Variants in BTBD7 observed in about 807,000 individuals in gnomAD.
BTBD7 encodes BTB/POZ domain-containing protein 7.
A neutral mutation model predicts 99.9 loss-of-function variants in BTBD7; 38 were observed. The ratio of observed to expected loss-of-function variants is 0.38; its 90% CI spans 0.29 to 0.50. The LOEUF (loss-of-function observed/expected upper bound fraction) is 0.50, where lower values mean the gene tolerates loss of function less well. Among genes scored for constraint, BTBD7 ranks in the 20% least tolerant of loss-of-function variants. BTBD7 has a pLI of 0.93. For missense variants in BTBD7, 1,170 were observed against 1,394.6 expected, an observed-to-expected ratio of 0.84 and a Z score of 2.57; for synonymous variants, 520 against 511.4, an observed-to-expected ratio of 1.02 and a Z score of -0.23.
rs965003350 is a variant in BTBD7, at chr14:93,257,257, G to A, written c.1546C>T (p.Leu516Phe). Residue 516 changes from leucine to phenylalanine, a missense_variant, in exon 6 of 11, where the codon CTC becomes TTC. By Grantham distance (22) the Leu-to-Phe change is conservative. This residue lies in a region of BTBD7 where 309 missense variants were observed against 342.0 expected (regional missense o/e 0.90). Transcript: ENST00000334746. ...MEELREILSS[L>F]LPFVRIEHIL... ...TGTTCAATTCGCACAAAAGGTAAGAGAGAAGAAAGGATCTCTCTGAGCTCT... is the reference window on the plus strand; with the variant it reads ...TGTTCAATTCGCACAAAAGGTAAGAAAGAAGAAAGGATCTCTCTGAGCTCT... 1.9e-6 allele frequency: 3 copies of A among 1,614,026 alleles called. No homozygotes were observed. Among genetic ancestry groups the A allele is most frequent in the African/African-American group, 1.3e-5 (1 of 74,930 alleles).
rs34523849 is a variant in BTBD7 at position 93,325,106 on chromosome 14, A to ATTTTTTT, written c.-107+7707_-107+7713dup. Among the ~76,000 whole-genome samples the ATTTTTTT allele has an allele frequency of 3.9e-4, 41 of 105,552 alleles. 1 individual carries two copies. Among genetic ancestry groups the ATTTTTTT allele is most frequent in the African/African-American group, 9.5e-4 (25 of 26,230 alleles). 69.2% of individuals were successfully genotyped at this position (105,552 alleles called of 152,430 possible). A position where few individuals can be genotyped will look rare whatever the true frequency, so the allele number is the denominator to read the frequency against. ...TTAAGTAGAGAAGCAGCATGCTCCA[A>ATTTTTTT]TTTTTTTTTTTTTTTTTTTTTTTTT... On this transcript the variant is annotated intron_variant, in intron 1 of 10. Transcript: ENST00000334746.
chr14:93,293,596 G>A (rs567012469), intron 3 of BTBD7, among the ~76,000 whole-genome samples: 61 of 152,218 alleles, frequency 4.0e-4, no homozygotes, highest in African/African-American at 1.4e-3. Flanking sequence ...CATACCTATC[G>A]TCTTACATTA....
chr14:93,313,610 T>C (rs918896249), intron 1 of BTBD7, among the ~76,000 whole-genome samples: 5 of 152,062 alleles, frequency 3.3e-5, no homozygotes, highest in Non-Finnish European at 2.9e-5. Context: ...GAGTTGAGTA[T>C]GGTTCTTAGA....
intron 10 of BTBD7, among the ~76,000 whole-genome samples, chr14:93,243,410 G>T (rs1048954390): frequency 1.3e-5 from 2 of 152,052 alleles, no homozygotes; most frequent in Non-Finnish European, 2.9e-5. Context: ...AGCCAGGATG[G>T]TCTCGATCTC....
chr14:93,253,033 T>TTCC, intron 7 of BTBD7, among the ~76,000 whole-genome samples: 1 of 152,342 alleles, frequency 6.6e-6, no homozygotes, highest in South Asian at 2.1e-4. Flanking sequence ...TTTACCATGT[T>TTCC]GCCCAGGATG....
chr14:93,318,636 G>A (rs1215752250), intron 1 of BTBD7, among the ~76,000 whole-genome samples: 1 of 152,174 alleles, frequency 6.6e-6, no homozygotes, highest in African/African-American at 2.4e-5. Context: ...GAGTAAAGGA[G>A]AGTATAAAAA....
At chr14:93,317,231 C>A (rs1251658110) in intron 1 of BTBD7, among the ~76,000 whole-genome samples, 1 of 152,098 alleles carries the variant, frequency 6.6e-6, no homozygotes, top group African/African-American at 2.4e-5. Context: ...TCTCGAACTC[C>A]TGACCTTAAG....
chr14:93,323,798 T>C (rs560338458), intron 1 of BTBD7, among the ~76,000 whole-genome samples: 1 of 152,360 alleles, frequency 6.6e-6, no homozygotes, highest in African/African-American at 2.4e-5. Flanking sequence ...CCACACGTCA[T>C]GTTTATTTAA....
At chr14:93,318,045 AT>A (rs1364834547) in intron 1 of BTBD7, among the ~76,000 whole-genome samples, 1 of 151,680 alleles carries the variant, frequency 6.6e-6, no homozygotes, top group African/African-American at 2.4e-5. Flanking sequence ...TTCGCTTTGT[AT>A]TTTTTTTGCT....
At position 93,245,885 on chromosome 14, in the gene BTBD7, A is replaced by G. The variant is rs575536203; in HGVS notation, c.2523T>C (p.Ala841=). The G allele has an allele frequency of 1.9e-6, 3 of 1,613,034 alleles. No individual in the cohort carries two copies. Among genetic ancestry groups the G allele is most frequent in the East Asian group, 4.5e-5 (2 of 44,866 alleles). The change falls in exon 10 of 11, where the codon GCT becomes GCC. Residue 841 remains alanine (A), a synonymous_variant. Coordinates refer to ENST00000334746, the MANE Select transcript of BTBD7 (RefSeq NM_001002860.4). ...TTGCTGTTGAGGTGGTGGTGGCGGC[A>G]GCAGCAGCCACCGTCTGTCTGCCCA... ...AGLGRQTVAA[A]AATTTSTATA...
chr14:93,256,985 C>A, intron 6 of BTBD7: 2 of 506,900 alleles, frequency 3.9e-6, no homozygotes, highest in Non-Finnish European at 6.9e-6. Context: ...ACCTATTTAC[C>A]CACTCAACTC....
intron 3 of BTBD7, chr14:93,288,391 TTA>T (rs1163616593): frequency 3.1e-6 from 2 of 636,900 alleles, no homozygotes; most frequent in Middle Eastern, 3.5e-4. Flanking sequence ...AATGCTTCCA[TTA>T]TATCTTTCAT....
intron 3 of BTBD7, chr14:93,288,590 G>T: frequency 2.2e-6 from 2 of 910,038 alleles, no homozygotes; most frequent in African/African-American, 1.6e-5. Context: ...GTCTCAATTT[G>T]GAAGCTTTCC....
intron 1 of BTBD7, among the ~76,000 whole-genome samples, chr14:93,316,795 C>A (rs554468673): frequency 6.6e-6 from 1 of 152,108 alleles, no homozygotes; most frequent in Non-Finnish European, 1.5e-5. Context: ...GTAAAGTGAT[C>A]ATAATATTGC....
intron 10 of BTBD7, chr14:93,244,177 A>T (rs1212508969): frequency 6.9e-6 from 3 of 436,902 alleles, no homozygotes; most frequent in Non-Finnish European, 1.3e-5. Context: ...GATTTTCCCG[A>T]AAAAGGGTAA....
chr14:93,244,178 A>C, intron 10 of BTBD7: 1 of 439,522 alleles, frequency 2.3e-6, no homozygotes, highest in Non-Finnish European at 4.4e-6. Flanking sequence ...ATTTTCCCGA[A>C]AAAGGGTAAA....
At chr14:93,288,293 A>G in intron 3 of BTBD7, 1 of 574,698 alleles carries the variant, frequency 1.7e-6, no homozygotes, top group Non-Finnish European at 3.0e-6. Context: ...TAGATGTTAG[A>G]CCCTGGATGA....
At chr14:93,261,810 G>A (rs2052492276) in intron 4 of BTBD7, 133 bp from the exon 5 acceptor site, 2 of 652,982 alleles carry the variant, frequency 3.1e-6, no homozygotes, top group African/African-American at 1.8e-5. Flanking sequence ...GCTGTTTGAA[G>A]TTTTAGTGTT....
Position 93,242,997 on chromosome 14 carries a change from G to A in BTBD7, c.2675C>T (p.Ala892Val). Residue 892 changes from alanine (A) to valine (V), a missense_variant, in exon 11 of 11, where the codon GCT becomes GTT. Ala to Val is a moderately conservative substitution (Grantham distance 64). Around this residue, in one of 4 missense-constraint regions of BTBD7, gnomAD observed 495 missense variants for 525.9 expected, o/e 0.94. Transcript: ENST00000334746. ...TGACTGGCTTAATTCTGTGTCTACA[G>A]CAAGCTCTGGAAGCCTCCTGTCCTT... ...SLKDRRLPEL[A>V]VDTELSQSVS... is the part of the protein sequence containing the mutation. 1 of 1,614,132 alleles carries A rather than the reference G, an allele frequency of 6.2e-7. No individual in the cohort carries two copies. Among genetic ancestry groups the A allele is most frequent in the South Asian group, 1.1e-5 (1 of 91,084 alleles).
Sources: gnomAD v4.1 joint callset for allele counts (sites outside exome capture counted in the v4.1 genomes callset) on GRCh38, gnomAD v4.1.1 for gene constraint, gnomAD v4.1.1 regional missense constraint, MANE v1.5 for transcripts, NCBI Gene and HGNC (gene_info 2026-07-23, HGNC 2026-07-21) for gene names.